Variants in CPQ observed in about 807,000 individuals in gnomAD.
CPQ encodes Ser-Met dipeptidase.
In CPQ, 37 loss-of-function variants were observed where a neutral mutation model predicts 45.7. The ratio of observed to expected loss-of-function variants is 0.81; its 90% CI spans 0.62 to 1.07. The LOEUF (loss-of-function observed/expected upper bound fraction) is 1.07. CPQ is among the 50% of genes least tolerant of loss of function. The probability of loss-of-function intolerance (pLI) is 0.00; values close to 1 mark genes in which losing one functional copy is unlikely to be tolerated. For synonymous variants in CPQ, 186 were observed against 205.8 expected, an observed-to-expected ratio of 0.90 and a Z score of 0.82; for missense variants, 537 against 572.9, an observed-to-expected ratio of 0.94 and a Z score of 0.64.
intron 1 of CPQ, among the ~76,000 whole-genome samples, chr8:96,657,647 T>A (rs1271847707): frequency 2.0e-5 from 3 of 152,178 alleles, no homozygotes; most frequent in Non-Finnish European, 4.4e-5. Context: ...CATCCTCTTA[T>A]AACATTTATG....
Position 96,822,004 on chromosome 8 carries a change from C to A in CPQ, c.434-12969C>A, listed in dbSNP as rs147394413. 2.5e-4 allele frequency among the ~76,000 whole-genome samples: 38 copies of A among 152,080 alleles called. 1 individual carries two copies. The highest frequency in any genetic ancestry group is 8.7e-4 in the African/African-American group (36 of 41,544). On this transcript the variant is annotated intron_variant, in intron 2 of 7. Coordinates refer to ENST00000220763, the MANE Select transcript of CPQ (RefSeq NM_016134.4). ...AGTCAGCATGATGTACAACATATCT[C>A]TTGAACTTTTTCTAACTGAAAATTT...
At chr8:96,993,361 T>C in intron 5 of CPQ, among the ~76,000 whole-genome samples, 1 of 152,180 alleles carries the variant, frequency 6.6e-6, no homozygotes, top group Non-Finnish European at 1.5e-5. Flanking sequence ...TCACTTTTAG[T>C]ACAAGCTTAT....
At chr8:97,093,176 T>C (rs891818610) in intron 7 of CPQ, among the ~76,000 whole-genome samples, 2 of 152,128 alleles carry the variant, frequency 1.3e-5, no homozygotes, top group Non-Finnish European at 2.9e-5. Flanking sequence ...TAACAGATGC[T>C]GGCAAAGTTG....
At chr8:97,110,619 T>A (rs1811484323) in intron 7 of CPQ, among the ~76,000 whole-genome samples, 1 of 152,166 alleles carries the variant, frequency 6.6e-6, no homozygotes. Context: ...TTGCTCCACA[T>A]CCATCCCCTA....
chr8:96,852,796 C>T (rs952279241), intron 3 of CPQ, among the ~76,000 whole-genome samples: 3 of 152,128 alleles, frequency 2.0e-5, no homozygotes, highest in Admixed American at 6.5e-5. Context: ...ACGTTCCAGG[C>T]GGCCTCTCTG....
intron 7 of CPQ, among the ~76,000 whole-genome samples, chr8:97,089,243 CAAAAA>C (rs61075671): frequency 8.2e-6 from 1 of 122,416 alleles, no homozygotes. Flanking sequence ...AGCTCAGTCT[CAAAAA>C]AAAAAAAAAA....
intron 6 of CPQ, among the ~76,000 whole-genome samples, chr8:97,045,655 A>C (rs1013201370): frequency 1.3e-5 from 2 of 152,054 alleles, no homozygotes; most frequent in African/African-American, 4.8e-5. Context: ...TTTAAACCTG[A>C]ATTATTTTCT....
chr8:97,043,371 T>C (rs1310946220), intron 6 of CPQ, among the ~76,000 whole-genome samples: 4 of 151,966 alleles, frequency 2.6e-5, no homozygotes, highest in Non-Finnish European at 5.9e-5. Flanking sequence ...ATTTTGAGCC[T>C]ATGTGTGTCT....
At chr8:97,066,916 CTTT>C (rs752150876) in intron 7 of CPQ, among the ~76,000 whole-genome samples, 23,555 of 58,138 alleles carry the variant, frequency 0.41, 4,233 homozygotes, top group Non-Finnish European at 0.5. Context: ...CTGGAACAGT[CTTT>C]TTTTTTTTTT....
intron 3 of CPQ, among the ~76,000 whole-genome samples, chr8:96,851,864 C>G (rs1811775917): frequency 6.6e-6 from 1 of 152,166 alleles, no homozygotes; most frequent in African/African-American, 2.4e-5. Flanking sequence ...TCCTGTGAGG[C>G]CCATTTGTTT....
At chr8:96,827,626 A>T (rs2130843003) in intron 2 of CPQ, among the ~76,000 whole-genome samples, 1 of 152,142 alleles carries the variant, frequency 6.6e-6, no homozygotes, top group African/African-American at 2.4e-5. Context: ...CCTTTGTCTT[A>T]TAGTGCTTTA....
At chr8:97,041,654 G>A (rs563560062) in intron 6 of CPQ, among the ~76,000 whole-genome samples, 12 of 152,200 alleles carry the variant, frequency 7.9e-5, no homozygotes, top group South Asian at 4.1e-4. Flanking sequence ...TTTGAGTTAC[G>A]TCCCCTCAAT....
intron 1 of CPQ, among the ~76,000 whole-genome samples, chr8:96,707,693 T>TGA (rs1809552013): frequency 7.5e-6 from 1 of 134,144 alleles, no homozygotes; most frequent in African/African-American, 3.1e-5. Flanking sequence ...GAATGAATGA[T>TGA]TTTTTTTTTT....
chr8:96,706,592 G>A (rs1423769744), intron 1 of CPQ, among the ~76,000 whole-genome samples: 5 of 152,100 alleles, frequency 3.3e-5, no homozygotes, highest in Non-Finnish European at 7.4e-5. Context: ...ACATTTGAAG[G>A]CATGCATTTA....
chr8:97,123,028 T>TAAAAA (rs1811759864), intron 7 of CPQ, among the ~76,000 whole-genome samples: 2 of 27,254 alleles, frequency 7.3e-5, no homozygotes, highest in East Asian at 1.1e-3. Flanking sequence ...ATAAAATAAA[T>TAAAAA]AAAATAAAAT....
intron 5 of CPQ, among the ~76,000 whole-genome samples, chr8:97,019,835 A>G (rs1809646454): frequency 6.6e-6 from 1 of 152,186 alleles, no homozygotes; most frequent in Admixed American, 6.5e-5. Context: ...AAAGTCAACA[A>G]AGAAACAATG....
chr8:96,668,919 C>G (rs1808963594), intron 1 of CPQ, among the ~76,000 whole-genome samples: 6 of 151,622 alleles, frequency 4.0e-5, no homozygotes, highest in Admixed American at 2.6e-4. Context: ...AACAAAGGAC[C>G]CAAAAAGGGA....
At chr8:96,920,315 C>CT (rs1438813000) in intron 4 of CPQ, among the ~76,000 whole-genome samples, 2 of 152,118 alleles carry the variant, frequency 1.3e-5, no homozygotes, top group Non-Finnish European at 2.9e-5. Context: ...GGAAGAGTAG[C>CT]TATATGAATC....
chr8:96,941,943 A>G (rs887756826), intron 4 of CPQ, among the ~76,000 whole-genome samples: 2 of 152,202 alleles, frequency 1.3e-5, no homozygotes, highest in South Asian at 2.1e-4. Flanking sequence ...ATAATAAGGC[A>G]GATAAGTGAA....
Sources: allele counts gnomAD v4.1 joint callset (sites outside exome capture counted in the v4.1 genomes callset), GRCh38; gene constraint gnomAD v4.1.1; transcripts MANE v1.5; gene names NCBI Gene and HGNC (gene_info 2026-07-23, HGNC 2026-07-21).